The following EIF3H variants were observed in gnomAD, a reference collection of about 807,000 sequenced individuals.
EIF3H encodes eIF-3-gamma.
Under a neutral mutation model 44.2 loss-of-function variants are expected in EIF3H, and 26 were observed. That is an observed-to-expected ratio of 0.59 (90% confidence interval 0.43 to 0.82). The LOEUF (loss-of-function observed/expected upper bound fraction) is 0.82, where lower values mean the gene tolerates loss of function less well. Ranked by LOEUF, EIF3H falls within the 40% of genes least tolerant of loss-of-function variation. EIF3H has a pLI of 0.00. For synonymous variants in EIF3H, 166 were observed against 151.9 expected, an observed-to-expected ratio of 1.09 and a Z score of -0.68; for missense variants, 359 against 432.8, an observed-to-expected ratio of 0.83 and a Z score of 1.51.
At chr8:116,746,977 G>A (rs576849880) in intron 1 of EIF3H, among the ~76,000 whole-genome samples, 2 of 152,286 alleles carry the variant, frequency 1.3e-5, no homozygotes, top group East Asian at 3.9e-4. Flanking sequence ...TCAACAACAG[G>A]GGACATTTAT....
chr8:116,651,200 T>C (rs146212162), intron 5 of EIF3H, among the ~76,000 whole-genome samples: 205 of 152,298 alleles, frequency 1.3e-3, no homozygotes, highest in African/African-American at 4.8e-3. Flanking sequence ...ATCGTGATAT[T>C]ACAGAGAGAA....
At chr8:116,733,534 T>C (rs1814984696) in intron 1 of EIF3H, among the ~76,000 whole-genome samples, 1 of 152,000 alleles carries the variant, frequency 6.6e-6, no homozygotes, top group African/African-American at 2.4e-5. Flanking sequence ...ATCCTAAAGG[T>C]TTGGGGAACA....
chr8:116,736,024 A>G (rs1344096511), intron 1 of EIF3H, among the ~76,000 whole-genome samples: 4 of 152,224 alleles, frequency 2.6e-5, no homozygotes, highest in Non-Finnish European at 5.9e-5. Context: ...TTCAACCTGT[A>G]TATCTATTCT....
chr8:116,734,631 C>T (rs1363823692), intron 1 of EIF3H, among the ~76,000 whole-genome samples: 1 of 152,230 alleles, frequency 6.6e-6, no homozygotes, highest in South Asian at 2.1e-4. Context: ...TCCCAACTCA[C>T]TGCAACCTCT....
intron 2 of EIF3H, among the ~76,000 whole-genome samples, chr8:116,681,728 T>C (rs535475689): frequency 4.7e-4 from 71 of 151,866 alleles, no homozygotes; most frequent in Admixed American, 8.5e-4. Context: ...GAAAGAATTA[T>C]ACCAACCTAA....
chr8:116,731,333 C>A (rs1202249733), intron 1 of EIF3H, among the ~76,000 whole-genome samples: 1 of 152,148 alleles, frequency 6.6e-6, no homozygotes, highest in Non-Finnish European at 1.5e-5. Flanking sequence ...CTAACTGATA[C>A]CGGCTGGGTT....
At chr8:116,674,858 C>T (rs1381947700) in intron 2 of EIF3H, among the ~76,000 whole-genome samples, 1 of 152,040 alleles carries the variant, frequency 6.6e-6, no homozygotes, top group Admixed American at 6.5e-5. Flanking sequence ...ACAGATGCAT[C>T]CCAATTTCAT....
rs564447181 is a variant in EIF3H at position 116,643,620 on chromosome 8, C to G, written c.*1386G>C. On this transcript the variant is annotated 3_prime_UTR_variant, in exon 8 of 8. Coordinates refer to ENST00000521861, the MANE Select transcript of EIF3H (RefSeq NM_003756.3). Reference sequence around the variant, plus strand: ...TGAGGTAACAGACCTGCTCTCATTTCTTATCTTATCTGGTTGACAAAAAGT... The same window carrying G: ...TGAGGTAACAGACCTGCTCTCATTTGTTATCTTATCTGGTTGACAAAAAGT... The G allele has an allele frequency of 6.6e-6, 1 of 152,232 alleles. No individual in the cohort carries two copies. The highest frequency in any genetic ancestry group is 1.5e-5 in the Non-Finnish European group (1 of 68,028). 9.4% of individuals were successfully genotyped at this position (152,232 alleles called of 1,614,324 possible).
intron 2 of EIF3H, among the ~76,000 whole-genome samples, chr8:116,679,553 G>A (rs1189141984): frequency 5.7e-5 from 1 of 17,418 alleles, no homozygotes; most frequent in South Asian, 4.3e-3. Context: ...TCAGCCCCCC[G>A]CCCGGCCAGC....
rs879299031 is a variant in EIF3H at position 116,752,790 on chromosome 8, AGGG to A, written c.132+2873_132+2875del. Among the ~76,000 whole-genome samples, 610 of 75,316 alleles carry A rather than the reference AGGG, an allele frequency of 8.1e-3. 51 individuals carry two copies. Among genetic ancestry groups the A allele is most frequent in the South Asian group, 0.03 (61 of 2,026 alleles). The allele number at this position is 75,316 out of a possible 152,430, so 49.4% of individuals were successfully genotyped here. On this transcript the variant is annotated intron_variant, in intron 1 of 7. Transcript: ENST00000521861. ...GAGGGAGGGAGGGAGGGAGGGAGGG[AGGG>A]AGGGAAGGAAGGAAGGAAGGAAGGA...
chr8:116,647,036 T>C (rs1813312746), intron 6 of EIF3H, among the ~76,000 whole-genome samples: 1 of 152,204 alleles, frequency 6.6e-6, no homozygotes, highest in African/African-American at 2.4e-5. Context: ...AAAATAACAA[T>C]ACAGATGATG....
At position 116,726,008 on chromosome 8, in the gene EIF3H, A is replaced by C. The variant is rs1039425505; in HGVS notation, c.289+8T>G. 9.3e-6 allele frequency: 15 copies of C among 1,608,930 alleles called. No individual in the cohort carries two copies. Among genetic ancestry groups the C allele is most frequent in the Admixed American group, 1.7e-5 (1 of 59,492 alleles). ...CTGCAAAGACACACTTGTGATGAAC[A>C]CCCTTACCTTCATCAAAGTCAGCAT... On this transcript the variant is annotated splice_region_variant and intron_variant, in intron 2 of 7. Transcript: ENST00000521861.
At chr8:116,696,023 T>C (rs1814264151) in intron 2 of EIF3H, among the ~76,000 whole-genome samples, 1 of 152,242 alleles carries the variant, frequency 6.6e-6, no homozygotes, top group African/African-American at 2.4e-5. Context: ...CTGTGTGTTA[T>C]TTGTATATTC....
chr8:116,708,661 G>C (rs1265209273), intron 2 of EIF3H, among the ~76,000 whole-genome samples: 1 of 152,062 alleles, frequency 6.6e-6, no homozygotes, highest in Non-Finnish European at 1.5e-5. Flanking sequence ...AATTCTCAAA[G>C]ATGTTCATCA....
intron 2 of EIF3H, among the ~76,000 whole-genome samples, chr8:116,668,726 C>A (rs930727510): frequency 2.0e-5 from 3 of 149,956 alleles, no homozygotes; most frequent in African/African-American, 7.4e-5. Context: ...ATGTGGGGGT[C>A]GTAGGGGCTG....
At chr8:116,728,159 G>C (rs1427461531) in intron 1 of EIF3H, among the ~76,000 whole-genome samples, 4 of 152,114 alleles carry the variant, frequency 2.6e-5, no homozygotes, top group Non-Finnish European at 5.9e-5. Flanking sequence ...AAGAAAAAAA[G>C]AAACTAATGA....
chr8:116,666,533 T>C (rs553740240), intron 2 of EIF3H, among the ~76,000 whole-genome samples: 2 of 152,012 alleles, frequency 1.3e-5, no homozygotes, highest in Admixed American at 1.3e-4. Flanking sequence ...ATTTATGGCG[T>C]TGGTCATGAA....
At chr8:116,647,324 A>AC (rs1333360186) in intron 6 of EIF3H, among the ~76,000 whole-genome samples, 1 of 151,710 alleles carries the variant, frequency 6.6e-6, no homozygotes, top group Non-Finnish European at 1.5e-5. Context: ...CTGGTCTCAA[A>AC]CCCCTGACCT....
chr8:116,724,596 GA>G (rs958774667), intron 2 of EIF3H, among the ~76,000 whole-genome samples: 2 of 148,250 alleles, frequency 1.3e-5, no homozygotes, highest in Non-Finnish European at 3.0e-5. Flanking sequence ...AACTCAACAG[GA>G]AAAAAAAAGC....
Sources: allele counts gnomAD v4.1 joint callset (sites outside exome capture counted in the v4.1 genomes callset), GRCh38; gene constraint gnomAD v4.1.1; transcripts MANE v1.5; gene names NCBI Gene and HGNC (gene_info 2026-07-23, HGNC 2026-07-21).